The following KCNIP3 variants were observed in gnomAD, a reference collection of about 807,000 sequenced individuals.
KCNIP3 encodes the protein calsenilin.
KCNIP3 carries 28 observed loss-of-function variants against 35.0 expected under a neutral mutation model. The ratio of observed to expected loss-of-function variants is 0.80; its 90% CI spans 0.59 to 1.10. The LOEUF (loss-of-function observed/expected upper bound fraction) is 1.10. Ranked by LOEUF, KCNIP3 falls within the 50% of genes least tolerant of loss-of-function variation. The pLI is 0.00. For synonymous variants in KCNIP3, 134 were observed against 133.8 expected (o/e 1.00, Z -0.01); for missense variants, 295 against 338.4 (o/e 0.87, Z 1.01).
chr2:95,371,846 C>T (rs546666464), intron 2 of KCNIP3, among the ~76,000 whole-genome samples: 2 of 150,700 alleles, frequency 1.3e-5, no homozygotes, highest in South Asian at 2.1e-4. Flanking sequence ...ACTCTGTCAC[C>T]CAGGCTGGAG....
intron 1 of KCNIP3, among the ~76,000 whole-genome samples, chr2:95,304,886 C>T (rs1399558906): frequency 6.6e-6 from 1 of 152,194 alleles, no homozygotes; most frequent in East Asian, 1.9e-4. Flanking sequence ...GCAGGAGCTA[C>T]AGATCTCGGC....
intron 2 of KCNIP3, among the ~76,000 whole-genome samples, chr2:95,360,867 G>A (rs898794762): frequency 6.6e-6 from 1 of 152,208 alleles, no homozygotes; most frequent in African/African-American, 2.4e-5. Context: ...CTTCTTACAG[G>A]TTCCACCTCT....
At chr2:95,353,820 G>A (rs1410706334) in intron 2 of KCNIP3, among the ~76,000 whole-genome samples, 1 of 152,128 alleles carries the variant, frequency 6.6e-6, no homozygotes, top group Non-Finnish European at 1.5e-5. Context: ...ATTTCCACAC[G>A]GCTCTCAACC....
chr2:95,322,286 C>T (rs1174542811), intron 2 of KCNIP3, among the ~76,000 whole-genome samples: 2 of 152,064 alleles, frequency 1.3e-5, no homozygotes, highest in South Asian at 2.1e-4. Context: ...CGCTTGAACC[C>T]GGGAGGTCAA....
At chr2:95,367,391 C>G (rs1392607922) in intron 2 of KCNIP3, among the ~76,000 whole-genome samples, 1 of 152,220 alleles carries the variant, frequency 6.6e-6, no homozygotes, top group East Asian at 1.9e-4. Flanking sequence ...AGCATGTTGT[C>G]TGTATGTACA....
intron 2 of KCNIP3, among the ~76,000 whole-genome samples, chr2:95,358,603 A>T (rs976774375): frequency 6.6e-6 from 1 of 152,236 alleles, no homozygotes; most frequent in Non-Finnish European, 1.5e-5. Context: ...TTGTACAGAA[A>T]TGTATTGGTT....
chr2:95,365,065 G>A (rs1679885973), intron 2 of KCNIP3, among the ~76,000 whole-genome samples: 1 of 151,668 alleles, frequency 6.6e-6, no homozygotes, highest in Non-Finnish European at 1.5e-5. Flanking sequence ...GGACAACAGA[G>A]TGAGACCCTG....
chr2:95,375,237 T>C, intron 5 of KCNIP3, 29 bp downstream of exon 5: 1 of 1,602,736 alleles, frequency 6.2e-7, no homozygotes, highest in Non-Finnish European at 8.5e-7. Flanking sequence ...CTCCCACGTG[T>C]CCTGCCCCTG....
Position 95,297,378 on chromosome 2 carries a change from A to G in KCNIP3, c.-61A>G. On this transcript the variant is annotated 5_prime_UTR_variant, in exon 1 of 9. Coordinates refer to ENST00000295225, the MANE Select transcript of KCNIP3 (RefSeq NM_013434.5). The stretch of plus-strand genomic sequence containing the variant: ...GAGGCAGCTGCCAGCCGGCCTGGGC[A>G]GTCTTGTCTGCCTCGGCTGTGAAGT... 1 of 1,523,858 alleles carries G rather than the reference A, an allele frequency of 6.6e-7. No homozygotes were observed. The highest frequency in any genetic ancestry group is 8.9e-7 in the Non-Finnish European group (1 of 1,125,622). 94.4% of individuals were successfully genotyped at this position (1,523,858 alleles called of 1,614,324 possible). A position where few individuals can be genotyped will look rare whatever the true frequency, so the allele number is the denominator to read the frequency against.
Position 95,297,437 on chromosome 2 carries a change from G to A in KCNIP3, c.-2G>A, listed in dbSNP as rs759663167. ...TGGCAACAGTTTTCTTCAGCGCCCA[G>A]GATGCAGCCGGCTAAGGTAGGTGCT... On this transcript the variant is annotated 5_prime_UTR_variant, in exon 1 of 9. Transcript: ENST00000295225. The A allele has an allele frequency of 1.7e-5, 27 of 1,577,154 alleles. No homozygotes were observed. The highest frequency in any genetic ancestry group is 5.4e-5 in the Admixed American group (3 of 55,986).
chr2:95,313,022 G>A (rs1218747917), intron 2 of KCNIP3: 1 of 152,486 alleles, frequency 6.6e-6, no homozygotes, highest in Non-Finnish European at 1.5e-5. Context: ...CTCTTTGGGA[G>A]CTGGCACAGG....
At chr2:95,322,353 T>G (rs1288438008) in intron 2 of KCNIP3, among the ~76,000 whole-genome samples, 3 of 151,952 alleles carry the variant, frequency 2.0e-5, no homozygotes, top group African/African-American at 4.8e-5. Context: ...CAGAGTGAGA[T>G]CCTGCCTCAA....
intron 1 of KCNIP3, among the ~76,000 whole-genome samples, chr2:95,301,258 G>A (rs889355603): frequency 2.0e-5 from 3 of 152,274 alleles, no homozygotes; most frequent in African/African-American, 4.8e-5. Flanking sequence ...CACGGGCCTG[G>A]CTGACTCAAG....
intron 2 of KCNIP3, among the ~76,000 whole-genome samples, chr2:95,321,428 C>A (rs1369631436): frequency 6.6e-6 from 1 of 152,182 alleles, no homozygotes; most frequent in African/African-American, 2.4e-5. Flanking sequence ...AGAGACAAGT[C>A]TGGGGTGCAG....
At chr2:95,306,483 A>G (rs1678168839) in intron 1 of KCNIP3, among the ~76,000 whole-genome samples, 1 of 152,170 alleles carries the variant, frequency 6.6e-6, no homozygotes, top group African/African-American at 2.4e-5. Flanking sequence ...CAATAATAGG[A>G]TCAGTTCACA....
intron 2 of KCNIP3, among the ~76,000 whole-genome samples, chr2:95,323,474 C>T (rs562376527): frequency 7.9e-5 from 12 of 152,280 alleles, no homozygotes; most frequent in African/African-American, 2.9e-4. Flanking sequence ...GGCTGGAGCC[C>T]GCAGGCCTGG....
intron 2 of KCNIP3, among the ~76,000 whole-genome samples, chr2:95,343,120 G>A (rs1679258102): frequency 6.6e-6 from 1 of 152,154 alleles, no homozygotes; most frequent in South Asian, 2.1e-4. Flanking sequence ...TGGGCTGGTG[G>A]CAGTGGGGCA....
chr2:95,309,973 T>A (rs1212525922), intron 1 of KCNIP3, among the ~76,000 whole-genome samples: 1 of 152,178 alleles, frequency 6.6e-6, no homozygotes, highest in Admixed American at 6.5e-5. Flanking sequence ...CAGATCCACT[T>A]GCCTCTCTGG....
intron 2 of KCNIP3, among the ~76,000 whole-genome samples, chr2:95,359,370 G>T (rs767981281): frequency 6.6e-6 from 1 of 152,192 alleles, no homozygotes; most frequent in African/African-American, 2.4e-5. Flanking sequence ...AAGAAAAAAG[G>T]GGGTAACTGG....
Sources: allele counts gnomAD v4.1 joint callset (sites outside exome capture counted in the v4.1 genomes callset), GRCh38; gene constraint gnomAD v4.1.1; transcripts MANE v1.5; gene names NCBI Gene and HGNC (gene_info 2026-07-23, HGNC 2026-07-21).